The following KCNQ5 variants were observed in gnomAD, a reference collection of about 807,000 sequenced individuals.
KCNQ5 encodes potassium voltage-gated channel subfamily Q member 5, also known as potassium voltage-gated channel subfamily KQT member 5.
In KCNQ5, 30 loss-of-function variants were observed where a neutral mutation model predicts 98.2. The observed-to-expected ratio is 0.31, with a 90% CI of 0.23 to 0.41. The LOEUF is 0.41. KCNQ5 is among the 10% of genes least tolerant of loss of function. The pLI is 1.00. For missense variants in KCNQ5, 835 were observed against 1,182.5 expected (o/e 0.71, Z 4.31); for synonymous variants, 458 against 449.4 (o/e 1.02, Z -0.24).
chr6:72,672,346 T>C (rs1443802307), intron 1 of KCNQ5, among the ~76,000 whole-genome samples: 1 of 151,408 alleles, frequency 6.6e-6, no homozygotes, highest in East Asian at 1.9e-4. Context: ...GATCCACGCA[T>C]CTCTGCCTCC....
intron 1 of KCNQ5, among the ~76,000 whole-genome samples, chr6:72,832,189 A>G (rs1238916095): frequency 6.6e-6 from 1 of 152,060 alleles, no homozygotes; most frequent in Non-Finnish European, 1.5e-5. Flanking sequence ...GTGGCAATGG[A>G]TAAGATGTTT....
At chr6:72,630,661 C>T (rs1330058561) in intron 1 of KCNQ5, 1 of 152,112 alleles carries the variant, frequency 6.6e-6, no homozygotes, top group East Asian at 1.9e-4. Context: ...TAAAATATTA[C>T]TTCAAGGTGT....
chr6:72,679,787 C>T (rs561965061), intron 1 of KCNQ5, among the ~76,000 whole-genome samples: 1 of 152,106 alleles, frequency 6.6e-6, no homozygotes, highest in African/African-American at 2.4e-5. Flanking sequence ...CGTCTGTAAT[C>T]CCCACTTTGG....
intron 1 of KCNQ5, among the ~76,000 whole-genome samples, chr6:72,690,001 C>T (rs532142947): frequency 4.6e-5 from 7 of 152,092 alleles, no homozygotes; most frequent in Non-Finnish European, 1.0e-4. Flanking sequence ...TGGCCAGGCG[C>T]GGTTGCTTAC....
intron 1 of KCNQ5, among the ~76,000 whole-genome samples, chr6:72,996,917 G>T (rs1370647611): frequency 2.0e-5 from 3 of 152,174 alleles, no homozygotes; most frequent in Non-Finnish European, 4.4e-5. Context: ...CAACAGGGAA[G>T]TCATGATAAA....
intron 1 of KCNQ5, chr6:72,806,988 G>A: frequency 3.9e-6 from 1 of 254,130 alleles, no homozygotes; most frequent in Non-Finnish European, 7.8e-6. Context: ...TTATGTATAT[G>A]TTGCATTTCT....
intron 11 of KCNQ5, among the ~76,000 whole-genome samples, chr6:73,171,271 G>T (rs1246144297): frequency 6.6e-6 from 1 of 152,168 alleles, no homozygotes; most frequent in Non-Finnish European, 1.5e-5. Context: ...TATGGGTGGA[G>T]AGATTATACC....
chr6:72,700,278 A>G (rs987242576), intron 1 of KCNQ5, among the ~76,000 whole-genome samples: 4 of 148,646 alleles, frequency 2.7e-5, no homozygotes. Flanking sequence ...ATAAATGGCC[A>G]ATCTATATAT....
At chr6:73,009,935 T>A (rs1208222364) in intron 2 of KCNQ5, among the ~76,000 whole-genome samples, 1 of 152,158 alleles carries the variant, frequency 6.6e-6, no homozygotes, top group East Asian at 1.9e-4. Context: ...CACTAGTGAA[T>A]TCTAACAAAC....
intron 1 of KCNQ5, among the ~76,000 whole-genome samples, chr6:72,719,811 G>GTT (rs1769850915): frequency 6.6e-6 from 1 of 152,198 alleles, no homozygotes; most frequent in Non-Finnish European, 1.5e-5. Flanking sequence ...AATGCAGGCA[G>GTT]TTCTCTAGAC....
intron 1 of KCNQ5, among the ~76,000 whole-genome samples, chr6:72,841,963 G>T (rs980256401): frequency 2.0e-5 from 3 of 152,158 alleles, no homozygotes; most frequent in Non-Finnish European, 1.5e-5. Flanking sequence ...GTCCTTAATT[G>T]CTATCACATT....
intron 1 of KCNQ5, among the ~76,000 whole-genome samples, chr6:72,915,183 G>A (rs77464781): frequency 0.011 from 1,619 of 152,214 alleles, 14 homozygotes; most frequent in Non-Finnish European, 0.014. Context: ...AAATGCTGCA[G>A]TGAAAATGCA....
intron 1 of KCNQ5, among the ~76,000 whole-genome samples, chr6:72,690,943 T>A (rs2154474227): frequency 6.6e-6 from 1 of 152,224 alleles, no homozygotes; most frequent in South Asian, 2.1e-4. Context: ...TTCCTTAATA[T>A]TTCCTAAAGA....
intron 1 of KCNQ5, among the ~76,000 whole-genome samples, chr6:72,669,037 T>G (rs1472153587): frequency 1.3e-5 from 2 of 152,218 alleles, no homozygotes; most frequent in East Asian, 3.9e-4. Context: ...CCCCCCAAAA[T>G]GTATGTCCTT....
chr6:72,826,234 C>T (rs1470187503), intron 1 of KCNQ5, among the ~76,000 whole-genome samples: 1 of 152,076 alleles, frequency 6.6e-6, no homozygotes, highest in African/African-American at 2.4e-5. Context: ...CTTTAGTCAC[C>T]AGTTACCCTT....
At chr6:73,174,371 T>A (rs571310579) in intron 11 of KCNQ5, among the ~76,000 whole-genome samples, 1 of 152,336 alleles carries the variant, frequency 6.6e-6, no homozygotes, top group East Asian at 1.9e-4. Flanking sequence ...ACAAAACCAC[T>A]GATGCAGATT....
intron 10 of KCNQ5, among the ~76,000 whole-genome samples, chr6:73,139,945 T>C (rs1056929009): frequency 6.6e-6 from 1 of 151,916 alleles, no homozygotes; most frequent in African/African-American, 2.4e-5. Context: ...ATACACCATG[T>C]GGGGTGCCAG....
chr6:73,175,948 G>A (rs1778195900), intron 11 of KCNQ5, among the ~76,000 whole-genome samples: 1 of 152,110 alleles, frequency 6.6e-6, no homozygotes, highest in Admixed American at 6.5e-5. Context: ...GGAGGATATA[G>A]AGGCTGGGCA....
chr6:72,884,216 G>C (rs1368544231), intron 1 of KCNQ5, among the ~76,000 whole-genome samples: 2 of 152,084 alleles, frequency 1.3e-5, no homozygotes, highest in Non-Finnish European at 2.9e-5. Context: ...GTCAATCTAG[G>C]ATATAACCCA....
Sources: gnomAD v4.1 joint callset for allele counts (sites outside exome capture counted in the v4.1 genomes callset) on GRCh38, gnomAD v4.1.1 for gene constraint, MANE v1.5 for transcripts, NCBI Gene and HGNC (gene_info 2026-07-23, HGNC 2026-07-21) for gene names.